Variants in SEZ6 observed in about 807,000 individuals in gnomAD.
SEZ6 encodes the protein seizure related 6 homolog, also known as seizure protein 6 homolog.
A neutral mutation model predicts 101.0 loss-of-function variants in SEZ6; 53 were observed. The observed-to-expected ratio is 0.52, with a 90% CI of 0.42 to 0.66. The LOEUF is 0.66. SEZ6 is among the 30% of genes least tolerant of loss of function. The probability of loss-of-function intolerance (pLI) is 0.00; values close to 1 mark genes in which losing one functional copy is unlikely to be tolerated. For missense variants in SEZ6, 1,102 were observed against 1,289.4 expected (o/e 0.85, Z 2.23); for synonymous variants, 488 against 512.2 (o/e 0.95, Z 0.64).
intron 1 of SEZ6, among the ~76,000 whole-genome samples, chr17:28,996,029 G>A (rs1228160560): frequency 6.6e-6 from 1 of 151,450 alleles, no homozygotes; most frequent in Non-Finnish European, 1.5e-5. Context: ...TTTGGAGATG[G>A]AGTCTCTGTT....
chr17:28,959,729 G>A lies in SEZ6; in HGVS notation c.1740C>T (p.Pro580=), dbSNP rs991488853. The stretch of plus-strand genomic sequence containing the variant: ...AGGCTGGCTCTGTCTCATTCCACTG[G>A]GGGTCGTGGGGGTCAACACACTCGA... ...IIIECVDPHD[P]QWNETEPACR... Residue 580 remains proline, a synonymous_variant, in exon 8 of 17, where the codon CCC becomes CCT. Coordinates refer to ENST00000317338, the MANE Select transcript of SEZ6 (RefSeq NM_178860.5). The surrounding 1 kb of genome is among the most constrained non-coding windows in gnomAD (Gnocchi z 4.4). 1.9e-6 allele frequency: 3 copies of A among 1,605,956 alleles called. No individual in the cohort carries two copies. The Admixed American group carries it at 5.0e-5, about 27-fold the overall frequency.
chr17:28,963,867 G>A, intron 5 of SEZ6, 95 bp downstream of exon 5: 2 of 1,451,278 alleles, frequency 1.4e-6, no homozygotes, highest in Non-Finnish European at 1.9e-6. Context: ...TCCTTATGAA[G>A]AGCAAATGAA....
intron 1 of SEZ6, among the ~76,000 whole-genome samples, chr17:28,996,951 A>G (rs563721937): frequency 1.3e-5 from 2 of 152,280 alleles, no homozygotes; most frequent in African/African-American, 4.8e-5. Context: ...TAGGGTAGGG[A>G]AGGACCAAGG....
intron 14 of SEZ6, 106 bp from the exon 15 acceptor site, chr17:28,956,573 C>T (rs919920500): frequency 1.4e-6 from 2 of 1,464,964 alleles, no homozygotes; most frequent in African/African-American, 1.4e-5. Context: ...CTCTAGCTGG[C>T]TGGGTGTAGG....
intron 1 of SEZ6, among the ~76,000 whole-genome samples, chr17:29,004,474 G>A (rs1378357213): frequency 2.6e-5 from 4 of 152,192 alleles, no homozygotes; most frequent in African/African-American, 4.8e-5. Flanking sequence ...TGGGCAGCCC[G>A]GTAGCGGGGT....
In SEZ6 at chr17:28,969,855, C is replaced by G. The variant is rs776358336; in HGVS notation, c.956G>C (p.Arg319Pro). ...GGTGGGGCTGCGGATGACTTGGCCC[C>G]GCAGCAGGAAAGACTGGTTGGCCAG... is the stretch of plus-strand genomic sequence containing the variant. ...LPLANQSFLLRGQVIRSPTHQ... is the reference protein window; with the variant it reads ...LPLANQSFLLPGQVIRSPTHQ... Residue 319 changes from arginine (R) to proline (P), a missense_variant, in exon 4 of 17, where the codon CGG (arginine) becomes CCG (proline). Arg to Pro is a moderately radical substitution (Grantham distance 103). Transcript: ENST00000317338. 6.5e-7 allele frequency: 1 copy of G among 1,534,406 alleles called. No homozygotes were observed. Among genetic ancestry groups the G allele is most frequent in the Non-Finnish European group, 8.7e-7 (1 of 1,150,974 alleles).
Position 28,957,402 on chromosome 17 carries a change from G to A in SEZ6, c.2440C>T (p.His814Tyr), listed in dbSNP as rs1194197043. The change falls in exon 12 of 17, where the codon CAT becomes TAT. Residue 814 changes from histidine (H) to tyrosine (Y), a missense_variant. Physicochemically the swap from His to Tyr is moderately conservative, Grantham distance 83. Around this residue, in one of 3 missense-constraint regions of SEZ6, gnomAD observed 556 missense variants for 735.1 expected, o/e 0.76. Transcript: ENST00000317338. ...VLMGSSILTC[H>Y]DRQAGSPKWS... is the part of the protein sequence containing the mutation. Reference sequence around the variant, plus strand: ...TTGGGGCTGCCAGCCTGGCGATCATGGCAGGTGAGGATGGAGCTGCCCATC... The same window carrying A: ...TTGGGGCTGCCAGCCTGGCGATCATAGCAGGTGAGGATGGAGCTGCCCATC... 1.2e-6 allele frequency: 2 copies of A among 1,613,802 alleles called. No individual in the cohort carries two copies. Among genetic ancestry groups the A allele is most frequent in the South Asian group, 2.2e-5 (2 of 91,048 alleles).
chr17:28,987,908 C>T (rs2041404632), intron 1 of SEZ6, among the ~76,000 whole-genome samples: 1 of 152,212 alleles, frequency 6.6e-6, no homozygotes, highest in Admixed American at 6.5e-5. Context: ...CATAGCTCAG[C>T]TGTCTACTGC....
At chr17:28,992,690 A>G (rs1000143657) in intron 1 of SEZ6, among the ~76,000 whole-genome samples, 1 of 151,816 alleles carries the variant, frequency 6.6e-6, no homozygotes, top group African/African-American at 2.4e-5. Context: ...GGGGAGGGAG[A>G]GACTAGTTGG....
Position 28,959,072 on chromosome 17 carries a change from C to T in SEZ6, c.2060G>A (p.Gly687Glu), listed in dbSNP as rs1269280471. ...CTGCTGGTAGCCCAGCACTGAGGTCCCGGGGTCCGACTGGAACTGAATGGT... is the reference window on the plus strand; with the variant it reads ...CTGCTGGTAGCCCAGCACTGAGGTCTCGGGGTCCGACTGGAACTGAATGGT... ...DVTIQFQSDP[G>E]TSVLGYQQGF... The change falls in exon 10 of 17, where the codon GGG becomes GAG. Residue 687 changes from glycine to glutamate, a missense_variant. Gly to Glu is a moderately conservative substitution (Grantham distance 98). Around this residue, in one of 3 missense-constraint regions of SEZ6, gnomAD observed 556 missense variants for 735.1 expected, o/e 0.76. Coordinates refer to ENST00000317338, the MANE Select transcript of SEZ6 (RefSeq NM_178860.5). The surrounding 1 kb of genome is among the most constrained non-coding windows in gnomAD (Gnocchi z 4.4). 1 of 1,613,842 alleles carries T rather than the reference C, an allele frequency of 6.2e-7. No homozygotes were observed. Among genetic ancestry groups the T allele is most frequent in the Non-Finnish European group, 8.5e-7 (1 of 1,179,860 alleles).
chr17:28,982,977 ACTT>A (rs34100005), intron 1 of SEZ6, among the ~76,000 whole-genome samples: 21,123 of 152,086 alleles, frequency 0.14, 1,536 homozygotes, highest in South Asian at 0.25. Flanking sequence ...TGGGTGCATG[ACTT>A]CTTTGTTAGG....
chr17:28,968,228 C>T (rs969819780), intron 4 of SEZ6, among the ~76,000 whole-genome samples: 22 of 152,208 alleles, frequency 1.4e-4, no homozygotes, highest in Admixed American at 1.2e-3. Flanking sequence ...GGGCTAATTA[C>T]AGCCTATAAT....
chr17:28,998,434 G>A (rs1385680617), intron 1 of SEZ6, among the ~76,000 whole-genome samples: 1 of 151,842 alleles, frequency 6.6e-6, no homozygotes, highest in East Asian at 1.9e-4. Context: ...GGGTAGGGAG[G>A]GATGGCATGA....
intron 4 of SEZ6, 141 bp downstream of exon 4, chr17:28,969,616 G>T: frequency 1.3e-6 from 1 of 767,648 alleles, no homozygotes. Flanking sequence ...ATTGTCCAGA[G>T]CTTCACTGGA....
intron 1 of SEZ6, among the ~76,000 whole-genome samples, chr17:28,993,242 G>A (rs559744480): frequency 5.3e-5 from 8 of 152,242 alleles, no homozygotes; most frequent in Admixed American, 3.3e-4. Context: ...ACTGGGCTTC[G>A]TTCTCTCCCT....
At chr17:28,979,396 T>C (rs1406396023) in intron 3 of SEZ6, among the ~76,000 whole-genome samples, 2 of 152,208 alleles carry the variant, frequency 1.3e-5, no homozygotes, top group Non-Finnish European at 2.9e-5. Flanking sequence ...GGCAGCCCTG[T>C]GTTCTCTGCT....
Position 28,959,519 on chromosome 17 carries a change from G to A in SEZ6, c.1772-47C>T, listed in dbSNP as rs763125148. On this transcript the variant is annotated intron_variant, in intron 8 of 16. Coordinates refer to ENST00000317338, the MANE Select transcript of SEZ6 (RefSeq NM_178860.5). The surrounding 1 kb of genome is among the most constrained non-coding windows in gnomAD (Gnocchi z 4.4). ...GAAGGGTCTTTTCAAGCTTACCATG[G>A]TGTTGCTTACCATCTGCCCGCAGGA... 109 of 1,598,048 alleles carry A rather than the reference G, an allele frequency of 6.8e-5. No individual in the cohort carries two copies. Among genetic ancestry groups the A allele is most frequent in the South Asian group, 5.0e-4 (45 of 90,616 alleles).
At chr17:28,956,811 A>T in intron 13 of SEZ6, 54 bp from the exon 14 acceptor site, 1 of 1,541,376 alleles carries the variant, frequency 6.5e-7, no homozygotes. Flanking sequence ...GGGCCAAACC[A>T]CTAAGGCAGG....
rs2040863146 is a variant in SEZ6, at chr17:28,955,376, C to G, written c.*586G>C. 3.3e-6 allele frequency: 1 copy of G among 304,472 alleles called. No homozygotes were observed. The highest frequency in any genetic ancestry group is 2.2e-5 in the African/African-American group (1 of 45,866). 18.9% of individuals were successfully genotyped at this position (304,472 alleles called of 1,614,324 possible). On this transcript the variant is annotated 3_prime_UTR_variant, in exon 17 of 17. Coordinates refer to ENST00000317338, the MANE Select transcript of SEZ6 (RefSeq NM_178860.5). ...GGTCCCCCTGAACCCCTTAGGATCT[C>G]CTAGAATTACTGCCTCCACTGGGAC...
Sources: gnomAD v4.1 joint callset for allele counts (sites outside exome capture counted in the v4.1 genomes callset) on GRCh38, gnomAD v4.1.1 for gene constraint, gnomAD v4.1.1 regional missense constraint, Gnocchi (gnomAD v3.1) non-coding constraint, MANE v1.5 for transcripts, NCBI Gene and HGNC (gene_info 2026-07-23, HGNC 2026-07-21) for gene names.